The following TTLL5 variants were observed in gnomAD, a reference collection of about 807,000 sequenced individuals.
TTLL5 encodes the protein tubulin tyrosine ligase like 5.
Under a neutral mutation model 168.4 loss-of-function variants are expected in TTLL5, and 132 were observed. That is an observed-to-expected ratio of 0.78 (90% CI 0.68 to 0.91). TTLL5 has a LOEUF of 0.91. TTLL5 is among the 40% of genes least tolerant of loss of function. The probability of loss-of-function intolerance (pLI) is 0.00; values close to 1 mark genes in which losing one functional copy is unlikely to be tolerated. For missense variants in TTLL5, 1,545 were observed against 1,581.5 expected (o/e 0.98, Z 0.39); for synonymous variants, 546 against 558.6 (o/e 0.98, Z 0.32).
intron 15 of TTLL5, among the ~76,000 whole-genome samples, chr14:75,737,946 A>G (rs573540010): frequency 6.0e-5 from 9 of 150,262 alleles, no homozygotes; most frequent in African/African-American, 2.2e-4. Context: ...ATGAACTTCA[A>G]TTTTTTTTTT....
At position 75,842,885 on chromosome 14, in the gene TTLL5, C is replaced by A. The variant is rs116918136; in HGVS notation, c.3327-20782C>A. The stretch of plus-strand genomic sequence containing the variant: ...GCCTTAACCCTTCCATACCTGGACA[C>A]TTCCTTTGAGTCAGCCTCAAAGGTG... On this transcript the variant is annotated intron_variant, in intron 28 of 31. Transcript: ENST00000298832. Among the ~76,000 whole-genome samples the A allele has an allele frequency of 8.3e-4, 127 of 152,316 alleles. No homozygotes were observed. The East Asian group carries it at 0.022, about 26-fold the overall frequency.
chr14:75,936,506 C>T, intron 31 of TTLL5, among the ~76,000 whole-genome samples: 1 of 152,188 alleles, frequency 6.6e-6, no homozygotes, highest in Admixed American at 6.5e-5. Flanking sequence ...CTATTTCTTG[C>T]ATCATATGGC....
intron 27 of TTLL5, among the ~76,000 whole-genome samples, chr14:75,811,193 G>GTGTGTA (rs1289856772): frequency 3.8e-4 from 57 of 151,616 alleles, no homozygotes; most frequent in Admixed American, 6.6e-5. Context: ...GTGTGTATGT[G>GTGTGTA]TGTGTGTGTG....
intron 9 of TTLL5, among the ~76,000 whole-genome samples, chr14:75,714,418 T>C (rs773162529): frequency 6.6e-6 from 1 of 152,344 alleles, no homozygotes; most frequent in South Asian, 2.1e-4. Flanking sequence ...TATTGATTTT[T>C]CTTGCCTTAA....
intron 3 of TTLL5, 83 bp downstream of exon 3, chr14:75,669,605 A>T: frequency 8.6e-7 from 1 of 1,162,086 alleles, no homozygotes; most frequent in East Asian, 2.5e-5. Flanking sequence ...TGACATATAT[A>T]TAGGGAAAGG....
chr14:75,764,722 A>C lies in TTLL5; in HGVS notation c.1658A>C (p.Lys553Thr). The C allele has an allele frequency of 6.2e-7, 1 of 1,614,168 alleles. No homozygotes were observed. Among genetic ancestry groups the C allele is most frequent in the Non-Finnish European group, 8.5e-7 (1 of 1,180,012 alleles). ...ERKLLSLEVR[K>T]RRRRSSRLRA... ...AAGCTCCTGTCTCTGGAGGTGCGAA[A>C]ACGTAGACGACGGAGTAGCAGATTG... is the stretch of plus-strand genomic sequence containing the variant. The change falls in exon 19 of 32, where the codon AAA (lysine) becomes ACA (threonine). Residue 553 changes from lysine (K) to threonine (T), a missense_variant. By Grantham distance (78) the Lys-to-Thr change is moderately conservative. Coordinates refer to ENST00000298832, the MANE Select transcript of TTLL5 (RefSeq NM_015072.5).
At chr14:75,818,401 C>T (rs1244387020) in intron 27 of TTLL5, 1 of 338,708 alleles carries the variant, frequency 3.0e-6, no homozygotes, top group Non-Finnish European at 5.6e-6. Context: ...TGGATCTACT[C>T]TATACAGTTT....
At chr14:75,948,140 A>C (rs1214110213) in intron 31 of TTLL5, among the ~76,000 whole-genome samples, 1 of 148,020 alleles carries the variant, frequency 6.8e-6, no homozygotes, top group African/African-American at 2.5e-5. Context: ...ACAAAAAGAT[A>C]CTGGAAAAGT....
intron 29 of TTLL5, among the ~76,000 whole-genome samples, chr14:75,880,030 G>T (rs1281057033): frequency 1.3e-5 from 2 of 152,080 alleles, no homozygotes; most frequent in Non-Finnish European, 2.9e-5. Flanking sequence ...ATGACATGTA[G>T]TAAAAAGTTA....
At chr14:75,834,114 A>G (rs1282739751) in intron 28 of TTLL5, among the ~76,000 whole-genome samples, 1 of 152,252 alleles carries the variant, frequency 6.6e-6, no homozygotes, top group African/African-American at 2.4e-5. Flanking sequence ...AGTACAAAAA[A>G]CATGCTAGTA....
chr14:75,761,739 A>G (rs188287585), intron 18 of TTLL5, among the ~76,000 whole-genome samples: 7 of 152,338 alleles, frequency 4.6e-5, no homozygotes, highest in Admixed American at 4.6e-4. Flanking sequence ...AGTTGATACT[A>G]ATATTAAGAG....
chr14:75,925,740 C>T lies in TTLL5; in HGVS notation c.3823+23516C>T, dbSNP rs182236159. Among the ~76,000 whole-genome samples, 36 of 152,134 alleles carry T rather than the reference C, an allele frequency of 2.4e-4. No individual in the cohort carries two copies. In the East Asian group the frequency reaches 6.9e-3, roughly 29 times the overall value. ...GTTGTAGCAAGCCGAGATCACGCCA[C>T]TGCACTCCAGCCTGGGCACCATTGA... On this transcript the variant is annotated intron_variant, in intron 31 of 31. Transcript: ENST00000298832.
chr14:75,759,195 A>T (rs1398817708), intron 18 of TTLL5, among the ~76,000 whole-genome samples: 1 of 152,180 alleles, frequency 6.6e-6, no homozygotes, highest in Non-Finnish European at 1.5e-5. Flanking sequence ...CAACAGACAT[A>T]AAGTGGATGC....
At chr14:75,863,533 T>C (rs2030210689) in intron 28 of TTLL5, 134 bp from the exon 29 acceptor site, 24 of 849,730 alleles carry the variant, frequency 2.8e-5, no homozygotes, top group Admixed American at 1.1e-4. Flanking sequence ...TGAGATAATA[T>C]CACACAAGTA....
intron 26 of TTLL5, among the ~76,000 whole-genome samples, chr14:75,790,951 GAA>G (rs1192685831): frequency 7.6e-6 from 1 of 131,410 alleles, no homozygotes; most frequent in East Asian, 2.2e-4. Flanking sequence ...AAAAAAAAAA[GAA>G]AAATTACCCG....
rs190749639 is a variant in TTLL5, at chr14:75,724,134, C to T, written c.1042+3431C>T. Among the ~76,000 whole-genome samples the T allele has an allele frequency of 1.0e-3, 153 of 151,888 alleles. 1 individual carries two copies. Among genetic ancestry groups the T allele is most frequent in the Non-Finnish European group, 1.6e-3 (107 of 67,992 alleles). ...AAACCAACAGACCAGACATGGGGTTCGCTATATTCTTTTGGTGGTTGTTCC... is the reference window on the plus strand; with the variant it reads ...AAACCAACAGACCAGACATGGGGTTTGCTATATTCTTTTGGTGGTTGTTCC... On this transcript the variant is annotated intron_variant, in intron 12 of 31. Coordinates refer to ENST00000298832, the MANE Select transcript of TTLL5 (RefSeq NM_015072.5).
At chr14:75,829,509 G>A (rs1304615863) in intron 28 of TTLL5, among the ~76,000 whole-genome samples, 1 of 151,442 alleles carries the variant, frequency 6.6e-6, no homozygotes, top group Admixed American at 6.6e-5. Context: ...CATCATAAAG[G>A]TCTTCATTCT....
chr14:75,793,599 A>G (rs2140353020), intron 27 of TTLL5, among the ~76,000 whole-genome samples: 1 of 152,330 alleles, frequency 6.6e-6, no homozygotes, highest in Admixed American at 6.5e-5. Flanking sequence ...CCCATTTTAC[A>G]GATGGGGGAA....
intron 30 of TTLL5, among the ~76,000 whole-genome samples, chr14:75,894,117 G>A (rs185206701): frequency 1.3e-5 from 2 of 152,316 alleles, no homozygotes; most frequent in African/African-American, 2.4e-5. Flanking sequence ...CGACTTTGAG[G>A]TCAGGACAGA....
Sources: allele counts gnomAD v4.1 joint callset (sites outside exome capture counted in the v4.1 genomes callset), GRCh38; gene constraint gnomAD v4.1.1; transcripts MANE v1.5; gene names NCBI Gene and HGNC (gene_info 2026-07-23, HGNC 2026-07-21).